The following NUFIP1 variants were observed in gnomAD, a reference collection of about 807,000 sequenced individuals.
NUFIP1 encodes the protein nuclear FMR1 interacting protein 1, also known as FMR1-interacting protein NUFIP1.
Under a neutral mutation model 56.2 loss-of-function variants are expected in NUFIP1, and 38 were observed. The ratio of observed to expected loss-of-function variants is 0.68; its 90% CI spans 0.52 to 0.89. NUFIP1 has a LOEUF of 0.89. NUFIP1 is among the 40% of genes least tolerant of loss of function. The pLI, the probability that NUFIP1 is intolerant of heterozygous loss-of-function variation, is 0.00. For missense variants in NUFIP1, 567 were observed against 605.8 expected (o/e 0.94, Z 0.67); for synonymous variants, 215 against 212.4 (o/e 1.01, Z -0.10).
At chr13:44,956,158 A>AAAAAAAAAAG (rs754747222) in intron 7 of NUFIP1, among the ~76,000 whole-genome samples, 10 of 150,924 alleles carry the variant, frequency 6.6e-5, no homozygotes, top group Non-Finnish European at 1.3e-4. Flanking sequence ...AAAAAAAAAA[A>AAAAAAAAAAG]AAAAGAATCT....
At chr13:44,988,924 T>C in intron 1 of NUFIP1, 101 bp downstream of exon 1, 1 of 1,205,262 alleles carries the variant, frequency 8.3e-7, no homozygotes, top group Non-Finnish European at 1.2e-6. Context: ...ACTCCAAGAG[T>C]GCAGAGGCAA....
chr13:44,960,455 C>T (rs1871385593), intron 6 of NUFIP1, among the ~76,000 whole-genome samples: 1 of 151,802 alleles, frequency 6.6e-6, no homozygotes, highest in South Asian at 2.1e-4. Flanking sequence ...TTTGTAGAGA[C>T]AAGGTTTCAC....
At chr13:44,941,442 A>ATATT (rs1870732576) in intron 9 of NUFIP1, 120 bp from the exon 10 acceptor site, 1 of 568,430 alleles carries the variant, frequency 1.8e-6, no homozygotes, top group Non-Finnish European at 3.1e-6. Context: ...AATATGTATT[A>ATATT]TATTCACTAT....
intron 7 of NUFIP1, among the ~76,000 whole-genome samples, chr13:44,954,377 A>C (rs150960799): frequency 2.0e-5 from 3 of 152,256 alleles, no homozygotes; most frequent in African/African-American, 7.2e-5. Flanking sequence ...CAATGATCTA[A>C]AAATTATTCT....
chr13:44,966,461 C>G (rs1871605440), intron 5 of NUFIP1, among the ~76,000 whole-genome samples: 1 of 151,868 alleles, frequency 6.6e-6, no homozygotes, highest in Non-Finnish European at 1.5e-5. Context: ...ATTACAGACA[C>G]CTGCCATCAC....
chr13:44,941,986 TA>T (rs1566054394), intron 9 of NUFIP1, among the ~76,000 whole-genome samples: 1 of 144,046 alleles, frequency 6.9e-6, no homozygotes. Context: ...CAGCTCACCA[TA>T]ACCTCCGCCT....
intron 9 of NUFIP1, among the ~76,000 whole-genome samples, chr13:44,943,101 C>T (rs897995065): frequency 7.2e-5 from 11 of 152,046 alleles, no homozygotes; most frequent in African/African-American, 2.4e-4. Context: ...GACATTTGTA[C>T]TAAAAATCTT....
Position 44,943,296 on chromosome 13 carries a change from C to G in NUFIP1, c.1371+146G>C, listed in dbSNP as rs988416338. Reference sequence around the variant, plus strand: ...ACCAGCTATATGCCAAATGTAGCTACAGAATTAAGATACAAAGTCTCCAAG... The same window carrying G: ...ACCAGCTATATGCCAAATGTAGCTAGAGAATTAAGATACAAAGTCTCCAAG... On this transcript the variant is annotated intron_variant, in intron 9 of 9. Coordinates refer to ENST00000379161, the MANE Select transcript of NUFIP1 (RefSeq NM_012345.3). 3 of 640,344 alleles carry G rather than the reference C, an allele frequency of 4.7e-6. No individual in the cohort carries two copies. The African/African-American group carries it at 5.5e-5, about 12-fold the overall frequency. 39.7% of individuals were successfully genotyped at this position (640,344 alleles called of 1,614,324 possible).
intron 5 of NUFIP1, among the ~76,000 whole-genome samples, chr13:44,977,555 G>A (rs945465636): frequency 1.3e-5 from 2 of 152,138 alleles, no homozygotes; most frequent in African/African-American, 4.8e-5. Flanking sequence ...AAAGTAAGGA[G>A]AGAGTAGTAA....
intron 8 of NUFIP1, among the ~76,000 whole-genome samples, chr13:44,946,629 C>T (rs1870909541): frequency 6.6e-6 from 1 of 152,132 alleles, no homozygotes; most frequent in East Asian, 1.9e-4. Flanking sequence ...GTTTAAATAT[C>T]TTTCCAGAAA....
At chr13:44,954,845 T>G (rs1027671140) in intron 7 of NUFIP1, among the ~76,000 whole-genome samples, 1 of 152,222 alleles carries the variant, frequency 6.6e-6, no homozygotes, top group Admixed American at 6.5e-5. Flanking sequence ...ATTTTCTTAT[T>G]TTAATGCCTA....
rs1373179486 is a variant in NUFIP1 at position 44,941,024 on chromosome 13, C to T, written c.*182G>A. The stretch of plus-strand genomic sequence containing the variant: ...CAATACAGACACAGTCTTAAAAAAT[C>T]AGTTATTTTTTTATTTGCATAGAAC... On this transcript the variant is annotated 3_prime_UTR_variant, in exon 10 of 10. Transcript: ENST00000379161. 2.2e-6 allele frequency: 1 copy of T among 463,926 alleles called. No individual in the cohort carries two copies. The highest frequency in any genetic ancestry group is 2.0e-5 in the African/African-American group (1 of 49,848). The allele number at this position is 463,926 out of a possible 1,614,324, so 28.7% of individuals were successfully genotyped here. A position where few individuals can be genotyped will look rare whatever the true frequency, so the allele number is the denominator to read the frequency against.
intron 6 of NUFIP1, among the ~76,000 whole-genome samples, chr13:44,961,256 T>C (rs1871414507): frequency 6.6e-6 from 1 of 152,148 alleles, no homozygotes; most frequent in Non-Finnish European, 1.5e-5. Context: ...AAATTCATTT[T>C]TCATTAATAA....
At position 44,949,448 on chromosome 13, in the gene NUFIP1, G is replaced by A. The variant is rs535500046; in HGVS notation, c.1138+274C>T. 8.0e-3 allele frequency among the ~76,000 whole-genome samples: 1,209 copies of A among 151,888 alleles called. 15 individuals carry two copies. Among genetic ancestry groups the A allele is most frequent in the African/African-American group, 0.028 (1,140 of 41,402 alleles). On this transcript the variant is annotated intron_variant, in intron 8 of 9. Coordinates refer to ENST00000379161, the MANE Select transcript of NUFIP1 (RefSeq NM_012345.3). ...GATCTCCTGACCTCGTGATCCGCCC[G>A]CCTCGGCCTCCCAAAGTGCTGGGAT...
chr13:44,949,244 C>T (rs1186880782), intron 8 of NUFIP1, among the ~76,000 whole-genome samples: 2 of 144,646 alleles, frequency 1.4e-5, no homozygotes, highest in South Asian at 2.3e-4. Context: ...CTCTGTCGCC[C>T]AGGCTGGAGT....
rs377297711 is a variant in NUFIP1 at position 44,945,997 on chromosome 13, G to C, written c.1139-2323C>G. Among the ~76,000 whole-genome samples the C allele has an allele frequency of 5.3e-5, 8 of 152,168 alleles. No homozygotes were observed. The East Asian group carries it at 1.2e-3, about 22-fold the overall frequency. ...GCCAGACTGTTAGGTTCAAATCCTA[G>C]TTCCATCATTTACTAGCTGTGTGAC... On this transcript the variant is annotated intron_variant, in intron 8 of 9. Transcript: ENST00000379161.
chr13:44,969,341 C>T (rs915303279), intron 5 of NUFIP1, among the ~76,000 whole-genome samples: 9 of 150,966 alleles, frequency 6.0e-5, no homozygotes, highest in African/African-American at 1.9e-4. Context: ...AAATGAATAA[C>T]GAAAAAAAAG....
chr13:44,971,987 G>C (rs970588475), intron 5 of NUFIP1, among the ~76,000 whole-genome samples: 1 of 152,036 alleles, frequency 6.6e-6, no homozygotes, highest in African/African-American at 2.4e-5. Context: ...CCATTTCCTA[G>C]AGCATGACTA....
intron 5 of NUFIP1, among the ~76,000 whole-genome samples, chr13:44,969,575 C>T (rs1409538771): frequency 6.6e-6 from 1 of 152,136 alleles, no homozygotes; most frequent in African/African-American, 2.4e-5. Flanking sequence ...CATTTTCTCC[C>T]TGTACTTCTA....
Sources: allele counts gnomAD v4.1 joint callset (sites outside exome capture counted in the v4.1 genomes callset), GRCh38; gene constraint gnomAD v4.1.1; transcripts MANE v1.5; gene names NCBI Gene and HGNC (gene_info 2026-07-23, HGNC 2026-07-21).